Variants in ZNF345 observed in about 807,000 individuals in gnomAD.
ZNF345 encodes the protein zinc finger protein HZF10.
For missense variants in ZNF345, 527 were observed against 589.9 expected (o/e 0.89, Z 1.10); for synonymous variants, 166 against 187.9 (o/e 0.88, Z 0.95).
chr19:36,892,259 G>T, intron 3 of ZNF345: 1 of 1,613,970 alleles, frequency 6.2e-7, no homozygotes, highest in Non-Finnish European at 8.5e-7. Flanking sequence ...TCACCAAAAT[G>T]AATTCTCTGA....
chr19:36,878,223 A>C lies in ZNF345; in HGVS notation c.1393A>C (p.Arg465=), dbSNP rs1194276516. Reference sequence around the variant, plus strand: ...TAAGAACTGTGGGAAGGCTTATGGGAGGGATTCAGAGTTTCAGCAACATAA... The same window carrying C: ...TAAGAACTGTGGGAAGGCTTATGGGCGGGATTCAGAGTTTCAGCAACATAA... ...ECKNCGKAYG[R]DSEFQQHKKS... The change falls in exon 3 of 3, where the codon AGG becomes CGG. Residue 465 remains arginine, a synonymous_variant. Coordinates refer to ENST00000420450, the MANE Select transcript of ZNF345 (RefSeq NM_001242472.2). 2 of 1,610,488 alleles carry C rather than the reference A, an allele frequency of 1.2e-6. No homozygotes were observed. Among genetic ancestry groups the C allele is most frequent in the Non-Finnish European group, 1.7e-6 (2 of 1,178,964 alleles).
At chr19:36,874,977 C>A (rs929514420) in intron 2 of ZNF345, among the ~76,000 whole-genome samples, 2 of 151,684 alleles carry the variant, frequency 1.3e-5, no homozygotes, top group African/African-American at 4.8e-5. Flanking sequence ...CTAGAGAAAT[C>A]TAGTTTTTAG....
At chr19:36,886,253 TAA>T (rs2072995566) in intron 3 of ZNF345, among the ~76,000 whole-genome samples, 1 of 152,186 alleles carries the variant, frequency 6.6e-6, no homozygotes, top group Admixed American at 6.5e-5. Context: ...CCCCGCTCCT[TAA>T]GTACGTGCTG....
At chr19:36,889,870 T>C (rs2073033783) in intron 3 of ZNF345, 1 of 152,222 alleles carries the variant, frequency 6.6e-6, no homozygotes, top group Non-Finnish European at 1.5e-5. Context: ...GGCTATTCAT[T>C]TGAGATTTTT....
intron 3 of ZNF345, chr19:36,888,341 G>T (rs767315526): frequency 3.9e-5 from 6 of 152,194 alleles, no homozygotes; most frequent in Non-Finnish European, 8.8e-5. Context: ...CCACAATATA[G>T]TGTCAAACCG....
upstream of ZNF345, chr19:36,850,781 G>C (rs1380067311): frequency 6.6e-6 from 1 of 152,260 alleles, no homozygotes; most frequent in Non-Finnish European, 1.5e-5. Flanking sequence ...GCAACCTGTC[G>C]CTTTCTGGAC....
chr19:36,892,784 T>A, intron 3 of ZNF345: 1 of 415,362 alleles, frequency 2.4e-6, no homozygotes, highest in Non-Finnish European at 3.8e-6. Context: ...AGATTCTAAT[T>A]AAAAAAAAAA....
At chr19:36,859,230 C>G (rs950828820) in intron 2 of ZNF345, among the ~76,000 whole-genome samples, 10 of 151,942 alleles carry the variant, frequency 6.6e-5, no homozygotes, top group African/African-American at 1.9e-4. Context: ...TCTCAGCTCA[C>G]TGCAGCCTCT....
In ZNF345 at chr19:36,877,654, G is replaced by C. The variant is rs773176141; in HGVS notation, c.824G>C (p.Arg275Pro). 1.2e-6 allele frequency: 2 copies of C among 1,613,352 alleles called. No individual in the cohort carries two copies. The highest frequency in any genetic ancestry group is 4.5e-5 in the East Asian group (2 of 44,746). ...TTTAGTTTTGGATCAGCCCTTACTC[G>C]ACATCAAAGAATTCATACTGGTGAG... ...KAFSFGSALT[R>P]HQRIHTGEKP... is the part of the protein sequence containing the mutation. Residue 275 changes from arginine (R) to proline (P), a missense_variant, in exon 3 of 3, where the codon CGA (arginine) becomes CCA (proline). Transcript: ENST00000420450.
chr19:36,850,582 T>A (rs2072238453), upstream of ZNF345: 1 of 152,336 alleles, frequency 6.6e-6, no homozygotes, highest in Admixed American at 6.5e-5. Context: ...GAAGTGCTGT[T>A]CGCAGGCTAT....
At chr19:36,883,868 G>A (rs868528611), downstream of ZNF345, among the ~76,000 whole-genome samples, 1 of 152,114 alleles carries the variant, frequency 6.6e-6, no homozygotes, top group Admixed American at 6.6e-5. Flanking sequence ...CTGAGTTAGA[G>A]AAACTGAAGT....
intron 3 of ZNF345, chr19:36,888,487 C>T (rs964684284): frequency 6.6e-6 from 1 of 152,220 alleles, no homozygotes; most frequent in Non-Finnish European, 1.5e-5. Flanking sequence ...TCTTTCTACT[C>T]TGCACTCTGA....
At chr19:36,856,849 CA>C (rs35856079) in intron 2 of ZNF345, among the ~76,000 whole-genome samples, 39,162 of 106,638 alleles carry the variant, frequency 0.37, 5,155 homozygotes, top group Non-Finnish European at 0.4. Context: ...GACTCCGTCT[CA>C]AAAAAAAAAA....
chr19:36,852,109 C>CTTTTTT (rs57521965), intron 2 of ZNF345, among the ~76,000 whole-genome samples: 1 of 123,296 alleles, frequency 8.1e-6, no homozygotes, highest in African/African-American at 3.0e-5. Context: ...TTTTCTTTTT[C>CTTTTTT]TTTTTTTTTT....
chr19:36,875,493 G>A (rs950484061), intron 2 of ZNF345, among the ~76,000 whole-genome samples: 4 of 152,076 alleles, frequency 2.6e-5, no homozygotes, highest in African/African-American at 9.7e-5. Context: ...TGGGTGGGGG[G>A]TGCAGGGAGG....
At chr19:36,869,783 A>T (rs1187580854) in intron 2 of ZNF345, among the ~76,000 whole-genome samples, 1 of 141,680 alleles carries the variant, frequency 7.1e-6, no homozygotes, top group Non-Finnish European at 1.5e-5. Flanking sequence ...TTTTTTTGAG[A>T]CTGAGTCTTG....
At chr19:36,882,062 A>T (rs4452068), downstream of ZNF345, among the ~76,000 whole-genome samples, 94,358 of 142,614 alleles carry the variant, frequency 0.66, 30,197 homozygotes, top group East Asian at 0.89. Flanking sequence ...TTTTTTTTTT[A>T]AAAAAAACCT....
rs116709086 is a variant in ZNF345, at chr19:36,892,743, A to G, written c.47-75A>G. On this transcript the variant is annotated intron_variant, in intron 3 of 3. Transcript: ENST00000526123. The stretch of plus-strand genomic sequence containing the variant: ...TCACCTTAAGCCTTGGTGAATACAC[A>G]GTGTTCAGCACCATCCTCCATATTA... 5.0e-3 allele frequency: 2,764 copies of G among 548,794 alleles called. 63 individuals carry two copies. Among genetic ancestry groups the G allele is most frequent in the African/African-American group, 0.046 (2,397 of 51,584 alleles). The allele number at this position is 548,794 out of a possible 1,614,324, so 34.0% of individuals were successfully genotyped here. A position where few individuals can be genotyped will look rare whatever the true frequency, so the allele number is the denominator to read the frequency against.
chr19:36,876,006 T>C (rs2072875034), intron 2 of ZNF345, among the ~76,000 whole-genome samples: 1 of 152,204 alleles, frequency 6.6e-6, no homozygotes, highest in Admixed American at 6.5e-5. Flanking sequence ...TTTCTTGCAG[T>C]CTTCTAGTAG....
Sources: gnomAD v4.1 joint callset for allele counts (sites outside exome capture counted in the v4.1 genomes callset) on GRCh38, gnomAD v4.1.1 for gene constraint, MANE v1.5 for transcripts, NCBI Gene and HGNC (gene_info 2026-07-23, HGNC 2026-07-21) for gene names.